NR3C2: variants seen among roughly 807,000 people sequenced by gnomAD.
NR3C2 encodes the protein mineralocorticoid receptor.
Under a neutral mutation model 86.4 loss-of-function variants are expected in NR3C2, and 15 were observed. That is an observed-to-expected ratio of 0.17 (90% CI 0.12 to 0.27). The LOEUF (loss-of-function observed/expected upper bound fraction) is 0.27, where lower values mean the gene tolerates loss of function less well. Ranked by LOEUF, NR3C2 falls within the 10% of genes least tolerant of loss-of-function variation. The probability of loss-of-function intolerance (pLI) is 1.00; values close to 1 mark genes in which losing one functional copy is unlikely to be tolerated. For missense variants in NR3C2, 960 were observed against 1,195.6 expected (o/e 0.80, Z 2.91); for synonymous variants, 458 against 450.5 (o/e 1.02, Z -0.21).
At chr4:148,416,025 T>C (rs1000879991) in intron 2 of NR3C2, among the ~76,000 whole-genome samples, 3 of 152,166 alleles carry the variant, frequency 2.0e-5, no homozygotes, top group Non-Finnish European at 4.4e-5. Context: ...ATTCTGTCTA[T>C]AGAGCTGCAT....
At chr4:148,182,985 C>A (rs1031937654) in intron 4 of NR3C2, among the ~76,000 whole-genome samples, 1 of 152,190 alleles carries the variant, frequency 6.6e-6, no homozygotes, top group Admixed American at 6.5e-5. Context: ...CCCAACTCCA[C>A]AACAGGCCCC....
chr4:148,430,554 C>T (rs755533553), intron 2 of NR3C2, among the ~76,000 whole-genome samples: 1 of 151,932 alleles, frequency 6.6e-6, no homozygotes, highest in African/African-American at 2.4e-5. Context: ...GGTACATTAG[C>T]AATTTCAAAA....
intron 6 of NR3C2, among the ~76,000 whole-genome samples, chr4:148,134,671 G>C (rs1383489750): frequency 2.6e-5 from 1 of 38,944 alleles, no homozygotes; most frequent in Non-Finnish European, 6.2e-5. Context: ...TTTTTTTAGA[G>C]GGAGTCTCGC....
rs112908192 is a variant in NR3C2, at chr4:148,394,518, C to CA, written c.1757+40585dup. 6.4e-3 allele frequency among the ~76,000 whole-genome samples: 848 copies of CA among 133,026 alleles called. 4 individuals carry two copies. The highest frequency in any genetic ancestry group is 0.018 in the South Asian group (72 of 3,972). 87.3% of individuals were successfully genotyped at this position (133,026 alleles called of 152,430 possible). On this transcript the variant is annotated intron_variant, in intron 2 of 8. Transcript: ENST00000358102. ...AACATAACATAACCCCAACTCTACTCAAAAAAAAAAAAAAAAATAGCAGAG... is the reference window on the plus strand; with the variant it reads ...AACATAACATAACCCCAACTCTACTCAAAAAAAAAAAAAAAAAATAGCAGAG...
At chr4:148,095,868 G>A (rs537679858) in intron 8 of NR3C2, among the ~76,000 whole-genome samples, 1 of 152,240 alleles carries the variant, frequency 6.6e-6, no homozygotes, top group African/African-American at 2.4e-5. Flanking sequence ...AACTCATCCC[G>A]GCCCCCATCC....
At chr4:148,335,715 A>G (rs1744452206) in intron 2 of NR3C2, among the ~76,000 whole-genome samples, 1 of 152,186 alleles carries the variant, frequency 6.6e-6, no homozygotes. Flanking sequence ...GTCAGTTTTC[A>G]ATTTCAGGGT....
At chr4:148,082,682 T>TTTTC (rs1553982886) in intron 8 of NR3C2, among the ~76,000 whole-genome samples, 1 of 149,956 alleles carries the variant, frequency 6.7e-6, no homozygotes, top group Admixed American at 6.6e-5. Context: ...TTTTTTTTTT[T>TTTTC]CATACCCCAG....
intron 3 of NR3C2, among the ~76,000 whole-genome samples, chr4:148,205,703 G>A (rs1162846813): frequency 6.6e-6 from 1 of 152,142 alleles, no homozygotes; most frequent in African/African-American, 2.4e-5. Flanking sequence ...TTAAGCCCTG[G>A]GGCAAGAACG....
chr4:148,112,802 C>T (rs918690328), intron 8 of NR3C2, among the ~76,000 whole-genome samples: 5 of 152,006 alleles, frequency 3.3e-5, no homozygotes, highest in African/African-American at 7.2e-5. Context: ...GATAACATTC[C>T]GCTGGCATAA....
intron 2 of NR3C2, among the ~76,000 whole-genome samples, chr4:148,415,118 C>T (rs186608281): frequency 1.4e-4 from 21 of 152,226 alleles, no homozygotes; most frequent in Admixed American, 3.9e-4. Context: ...TTTGCCTTAT[C>T]TCACTAAGTG....
At chr4:148,362,981 G>T (rs539213646) in intron 2 of NR3C2, among the ~76,000 whole-genome samples, 2 of 152,136 alleles carry the variant, frequency 1.3e-5, no homozygotes, top group Admixed American at 6.5e-5. Context: ...ACTACAACGG[G>T]ATGCGGTTGA....
At chr4:148,348,167 G>A (rs1745091680) in intron 2 of NR3C2, among the ~76,000 whole-genome samples, 1 of 152,096 alleles carries the variant, frequency 6.6e-6, no homozygotes, top group Non-Finnish European at 1.5e-5. Flanking sequence ...GCTCATCTCA[G>A]AGCAGCCCGG....
chr4:148,247,909 C>A (rs1739394412), intron 3 of NR3C2, among the ~76,000 whole-genome samples: 1 of 152,000 alleles, frequency 6.6e-6, no homozygotes, highest in Non-Finnish European at 1.5e-5. Context: ...GTGATCTGAC[C>A]TCAGTCACTG....
At chr4:148,402,140 C>A (rs968525751) in intron 2 of NR3C2, among the ~76,000 whole-genome samples, 1 of 152,156 alleles carries the variant, frequency 6.6e-6, no homozygotes, top group Non-Finnish European at 1.5e-5. Context: ...CTTAGCCCAA[C>A]GGTGTGGTCA....
In NR3C2 at chr4:148,274,259, T is replaced by C. The variant is rs554767543; in HGVS notation, c.1758-14142A>G. ...AAAAAGAAAAATGGCAAATAATTTA[T>C]TGAAGTCTTAGAAAGACAGGTGTAT... On this transcript the variant is annotated intron_variant, in intron 2 of 8. Transcript: ENST00000358102. Among the ~76,000 whole-genome samples the C allele has an allele frequency of 1.9e-4, 29 of 152,336 alleles. No homozygotes were observed. In the South Asian group the frequency reaches 4.6e-3, roughly 24 times the overall value.
chr4:148,290,540 A>C (rs570968574), intron 2 of NR3C2, among the ~76,000 whole-genome samples: 6 of 152,308 alleles, frequency 3.9e-5, no homozygotes, highest in African/African-American at 1.2e-4. Flanking sequence ...TACCAGGTAA[A>C]ACCGTTAATC....
At chr4:148,306,419 C>T (rs560590976) in intron 2 of NR3C2, among the ~76,000 whole-genome samples, 1 of 152,282 alleles carries the variant, frequency 6.6e-6, no homozygotes, top group South Asian at 2.1e-4. Flanking sequence ...ACTCCTATGT[C>T]GGAGGGTAAG....
At chr4:148,362,119 G>T (rs1009740246) in intron 2 of NR3C2, among the ~76,000 whole-genome samples, 8 of 152,172 alleles carry the variant, frequency 5.3e-5, no homozygotes, top group African/African-American at 1.9e-4. Flanking sequence ...GATTATGGGC[G>T]TGAGCCACCA....
intron 2 of NR3C2, among the ~76,000 whole-genome samples, chr4:148,368,743 T>C (rs1229952376): frequency 1.3e-5 from 2 of 152,132 alleles, no homozygotes; most frequent in Non-Finnish European, 2.9e-5. Context: ...AAAGAAAAGA[T>C]AGAACACTAT....
Sources: allele counts gnomAD v4.1 joint callset (sites outside exome capture counted in the v4.1 genomes callset), GRCh38; gene constraint gnomAD v4.1.1; transcripts MANE v1.5; gene names NCBI Gene and HGNC (gene_info 2026-07-23, HGNC 2026-07-21).